The following CASKIN1 variants were observed in gnomAD, a reference collection of about 807,000 sequenced individuals.
The protein encoded by CASKIN1 is CASK interacting protein 1, also known as caskin-1.
Under a neutral mutation model 117.5 loss-of-function variants are expected in CASKIN1, and 42 were observed. The ratio of observed to expected loss-of-function variants is 0.36; its 90% CI spans 0.28 to 0.46. CASKIN1 has a LOEUF of 0.46. CASKIN1 is among the 20% of genes least tolerant of loss of function. The pLI is 1.00. For missense variants in CASKIN1, 2,083 were observed against 2,077.3 expected, an observed-to-expected ratio of 1.00 and a Z score of -0.05; for synonymous variants, 1,148 against 961.7, an observed-to-expected ratio of 1.19 and a Z score of -3.59.
At position 2,183,682 on chromosome 16, in the gene CASKIN1, G is replaced by T; in HGVS notation, c.1593C>A (p.Gly531=). ...HRKKIAAEIS[G]LSIPDWLPEH... ...CAGGCAGCCAGTCAGGGATGCTTAGGCCGCTGATCTCTGCCGCGATCTTCT... is the reference window on the plus strand; with the variant it reads ...CAGGCAGCCAGTCAGGGATGCTTAGTCCGCTGATCTCTGCCGCGATCTTCT... The change falls in exon 16 of 20, where the codon GGC becomes GGA. Residue 531 remains glycine (G), a synonymous_variant. Coordinates refer to ENST00000343516, the MANE Select transcript of CASKIN1 (RefSeq NM_020764.4). 6.2e-7 allele frequency: 1 copy of T among 1,613,346 alleles called. No homozygotes were observed. The highest frequency in any genetic ancestry group is 8.5e-7 in the Non-Finnish European group (1 of 1,179,970).
At chr16:2,194,695 G>A (rs957556668) in intron 1 of CASKIN1, among the ~76,000 whole-genome samples, 2 of 152,182 alleles carry the variant, frequency 1.3e-5, no homozygotes, top group African/African-American at 4.8e-5. Context: ...CAGAGAGCAG[G>A]AGCCGGGGCC....
chr16:2,190,528 G>A (rs781676678), intron 1 of CASKIN1, among the ~76,000 whole-genome samples, 170 bp from the exon 2 acceptor site: 4 of 152,188 alleles, frequency 2.6e-5, no homozygotes, highest in Non-Finnish European at 4.4e-5. Context: ...GCTCTGCCCC[G>A]CAGCCTGCCC....
chr16:2,195,816 C>T (rs2093213981), intron 1 of CASKIN1, among the ~76,000 whole-genome samples: 1 of 152,224 alleles, frequency 6.6e-6, no homozygotes, highest in Non-Finnish European at 1.5e-5. Flanking sequence ...CCGGCCATGC[C>T]AGGGCAGCCA....
In CASKIN1 at chr16:2,179,393, C is replaced by G; in HGVS notation, c.3776-68G>C. On this transcript the variant is annotated intron_variant, in intron 18 of 19. Transcript: ENST00000343516. This position sits in a 1 kb window ranked among gnomAD's most constrained non-coding sequence, Gnocchi z 5.8. ...GCCGCCGCGCCCCCTGCCCCAGCCTCCCGCGGCTTCCTCCCCAGCGGACCG... is the reference window on the plus strand; with the variant it reads ...GCCGCCGCGCCCCCTGCCCCAGCCTGCCGCGGCTTCCTCCCCAGCGGACCG... The G allele has an allele frequency of 1.5e-6, 2 of 1,336,732 alleles. No individual in the cohort carries two copies. Among genetic ancestry groups the G allele is most frequent in the Non-Finnish European group, 1.9e-6 (2 of 1,050,382 alleles). 82.8% of individuals were successfully genotyped at this position (1,336,732 alleles called of 1,614,324 possible). A position where few individuals can be genotyped will look rare whatever the true frequency, so the allele number is the denominator to read the frequency against.
chr16:2,186,937 C>T (rs771635540), intron 9 of CASKIN1, 41 bp downstream of exon 9: 32 of 1,608,264 alleles, frequency 2.0e-5, no homozygotes, highest in Non-Finnish European at 2.4e-5. Flanking sequence ...GCCCAGGTGC[C>T]GCCCCCTCCC....
At chr16:2,183,551 G>A in intron 16 of CASKIN1, 95 bp downstream of exon 16, 1 of 1,222,388 alleles carries the variant, frequency 8.2e-7, no homozygotes, top group Non-Finnish European at 1.2e-6. Context: ...AAGCCCCTGA[G>A]GGCGGGTGGG....
intron 1 of CASKIN1, among the ~76,000 whole-genome samples, chr16:2,191,781 C>T (rs879375049): frequency 7.9e-5 from 12 of 152,226 alleles, no homozygotes; most frequent in Non-Finnish European, 1.5e-4. Flanking sequence ...TGGGGCCTTT[C>T]CTGCACACCT....
chr16:2,178,657 C>CGGGGCAA lies in CASKIN1; in HGVS notation c.4200-18_4200-12dup. The CGGGGCAA allele has an allele frequency of 6.3e-7, 1 of 1,579,224 alleles. No individual in the cohort carries two copies. Among genetic ancestry groups the CGGGGCAA allele is most frequent in the Non-Finnish European group, 8.6e-7 (1 of 1,169,038 alleles). On this transcript the variant is annotated splice_polypyrimidine_tract_variant and intron_variant, in intron 19 of 19. Transcript: ENST00000343516. ...TCCGCCGCCGAGTCGCTGCGGGGCG[C>CGGGGCAA]GGGGCAAGGGGCGTGAGTGGGCGGG...
intron 1 of CASKIN1, among the ~76,000 whole-genome samples, chr16:2,191,699 A>G (rs1334458188): frequency 6.6e-6 from 1 of 152,226 alleles, no homozygotes; most frequent in Admixed American, 6.5e-5. Flanking sequence ...TGCTGGCACC[A>G]GTGTCCCTCT....
In CASKIN1 at chr16:2,187,263, A is replaced by G. The variant is rs759801927; in HGVS notation, c.738T>C (p.Asn246=). The G allele has an allele frequency of 6.2e-7, 1 of 1,613,906 alleles. No homozygotes were observed. The highest frequency in any genetic ancestry group is 1.3e-5 in the African/African-American group (1 of 74,908). The change falls in exon 8 of 20, where the codon AAT becomes AAC. Residue 246 remains asparagine, a synonymous_variant. Transcript: ENST00000343516. ...GGCTGTAGGTGTTCCTCACGTGGGC[A>G]TTGATCCCGCTCTGCACATGTGAGA... ...VVRLLLDSGI[N]AHVRNTYSQT... is the part of the protein sequence containing the mutation.
chr16:2,179,018 T>A lies in CASKIN1; in HGVS notation c.4083A>T (p.Glu1361Asp). ...AAAAAPPAPP[E>D]GASPGDSARQ... ...GGGCGCTGTCCCCTGGCGAGGCGCC[T>A]TCGGGCGGGGCGGGGGGCGCGGCGG... Residue 1361 changes from glutamate to aspartate, a missense_variant, in exon 19 of 20, where the codon GAA becomes GAT. Glu to Asp is a conservative substitution (Grantham distance 45). This residue lies in a region of CASKIN1 where 1,818 missense variants were observed against 1,688.9 expected (regional missense o/e 1.08). Coordinates refer to ENST00000343516, the MANE Select transcript of CASKIN1 (RefSeq NM_020764.4). The surrounding 1 kb of genome is among the most constrained non-coding windows in gnomAD (Gnocchi z 5.8). 1 of 1,180,792 alleles carries A rather than the reference T, an allele frequency of 8.5e-7. No individual in the cohort carries two copies. The allele number at this position is 1,180,792 out of a possible 1,614,324, so 73.1% of individuals were successfully genotyped here. A position where few individuals can be genotyped will look rare whatever the true frequency, so the allele number is the denominator to read the frequency against.
chr16:2,190,032 C>T (rs922523979), intron 3 of CASKIN1, 41 bp downstream of exon 3: 4 of 1,553,232 alleles, frequency 2.6e-6, no homozygotes, highest in Non-Finnish European at 3.5e-6. Context: ...CCCTCGCTGC[C>T]CCCGCCCCTG....
In CASKIN1 at chr16:2,184,787, G is replaced by A. The variant is rs912916451; in HGVS notation, c.1406C>T (p.Ser469Leu). ...CCCCAAGCCCTGTACCTTGCCCTCC[G>A]ATGCTGGCTCCAGCTTCTTGGGCGG... is the stretch of plus-strand genomic sequence containing the variant. ...EQPPKKLEPASEGKSSEAVSQ... is the reference protein window; with the variant it reads ...EQPPKKLEPALEGKSSEAVSQ... Residue 469 changes from serine (S) to leucine (L), a missense_variant, in exon 14 of 20, where the codon TCG becomes TTG. By Grantham distance (145) the Ser-to-Leu change is moderately radical. Around this residue, in one of 3 missense-constraint regions of CASKIN1, gnomAD observed 1,818 missense variants for 1,688.9 expected, o/e 1.08. Transcript: ENST00000343516. The A allele has an allele frequency of 9.9e-6, 15 of 1,522,576 alleles. No homozygotes were observed. In the African/African-American group the frequency reaches 1.1e-4, roughly 11 times the overall value. The allele number at this position is 1,522,576 out of a possible 1,614,324, so 94.3% of individuals were successfully genotyped here.
At chr16:2,178,768 CG>C in intron 19 of CASKIN1, 122 bp from the exon 20 acceptor site, 1 of 1,328,642 alleles carries the variant, frequency 7.5e-7, no homozygotes, top group East Asian at 3.1e-5. Flanking sequence ...ACGACCTCGG[CG>C]GAGCCCCGCT....
In CASKIN1 at chr16:2,187,092, C is replaced by A. The variant is rs377537725; in HGVS notation, c.836-20G>T. ...AGGCCTCTGGGGATACAGGAGGGGG[C>A]CCCCGAAGTCCTGCGGGCTGATCTG... is the stretch of plus-strand genomic sequence containing the variant. On this transcript the variant is annotated intron_variant, in intron 8 of 19. Transcript: ENST00000343516. 1.2e-6 allele frequency: 2 copies of A among 1,612,742 alleles called. No individual in the cohort carries two copies. The highest frequency in any genetic ancestry group is 1.7e-5 in the Admixed American group (1 of 60,020).
chr16:2,186,899 C>A (rs904416718), intron 9 of CASKIN1, 75 bp from the exon 10 acceptor site: 1 of 1,599,512 alleles, frequency 6.3e-7, no homozygotes, highest in African/African-American at 1.3e-5. Context: ...CCCCCAGTTG[C>A]GGCGGGAGGG....
In CASKIN1 at chr16:2,190,327, G is replaced by C; in HGVS notation, c.126C>G (p.Val42=). The change falls in exon 2 of 20, where the codon GTC becomes GTG. Residue 42 remains valine, a synonymous_variant. Coordinates refer to ENST00000343516, the MANE Select transcript of CASKIN1 (RefSeq NM_020764.4). ...CTCACCCATCCGGGTCCTGGAAGTT[G>C]ACATTGATCTTCTTGGTGGAACCCA... is the stretch of plus-strand genomic sequence containing the variant. ...KLLGSTKKIN[V]NFQDPDGFSA... The C allele has an allele frequency of 6.3e-7, 1 of 1,576,728 alleles. No individual in the cohort carries two copies. Among genetic ancestry groups the C allele is most frequent in the Non-Finnish European group, 8.6e-7 (1 of 1,160,374 alleles).
chr16:2,190,165 G>A lies in CASKIN1; in HGVS notation c.152C>T (p.Ser51Leu), dbSNP rs1287578007. The A allele has an allele frequency of 3.7e-6, 6 of 1,612,864 alleles. No individual in the cohort carries two copies. The highest frequency in any genetic ancestry group is 1.3e-5 in the African/African-American group (1 of 74,936). Residue 51 changes from serine to leucine, a missense_variant, in exon 3 of 20, where the codon TCG (serine) becomes TTG (leucine). By Grantham distance (145) the Ser-to-Leu change is moderately radical. Coordinates refer to ENST00000343516, the MANE Select transcript of CASKIN1 (RefSeq NM_020764.4). The stretch of plus-strand genomic sequence containing the variant: ...GTTCAGGGCCGCATGGTGCAGAGCC[G>A]AGAAGCTGGCACGTGCAGAGGACAC... ...NVNFQDPDGF[S>L]ALHHAALNGN...
chr16:2,184,780 G>T lies in CASKIN1; in HGVS notation c.1413C>A (p.Gly471=). Residue 471 remains glycine, a synonymous_variant, in exon 14 of 20, where the codon GGC becomes GGA. Transcript: ENST00000343516. ...AGAACACCCCCAAGCCCTGTACCTTGCCCTCCGATGCTGGCTCCAGCTTCT... is the reference window on the plus strand; with the variant it reads ...AGAACACCCCCAAGCCCTGTACCTTTCCCTCCGATGCTGGCTCCAGCTTCT... The part of the protein sequence containing the change: ...PPKKLEPASE[G]KSSEAVSQWL... 1.3e-6 allele frequency: 2 copies of T among 1,517,554 alleles called. No homozygotes were observed. Among genetic ancestry groups the T allele is most frequent in the Non-Finnish European group, 8.8e-7 (1 of 1,133,366 alleles). The allele number at this position is 1,517,554 out of a possible 1,614,324, so 94.0% of individuals were successfully genotyped here.
Sources: allele counts gnomAD v4.1 joint callset (sites outside exome capture counted in the v4.1 genomes callset), GRCh38; gene constraint gnomAD v4.1.1; regional missense constraint gnomAD v4.1.1; non-coding constraint Gnocchi (gnomAD v3.1); transcripts MANE v1.5; gene names NCBI Gene and HGNC (gene_info 2026-07-23, HGNC 2026-07-21).